Variants in ZFYVE28 observed in about 807,000 individuals in gnomAD.
ZFYVE28 encodes lateral signaling target protein 2 homolog.
A neutral mutation model predicts 82.1 loss-of-function variants in ZFYVE28; 40 were observed. That is an observed-to-expected ratio of 0.49 (90% confidence interval 0.38 to 0.63). The LOEUF (loss-of-function observed/expected upper bound fraction) is 0.63. Ranked by LOEUF, ZFYVE28 falls within the 30% of genes least tolerant of loss-of-function variation. The probability of loss-of-function intolerance (pLI) is 0.00; values close to 1 mark genes in which losing one functional copy is unlikely to be tolerated. For synonymous variants in ZFYVE28, 612 were observed against 546.1 expected, an observed-to-expected ratio of 1.12 and a Z score of -1.68; for missense variants, 1,321 against 1,242.1, an observed-to-expected ratio of 1.06 and a Z score of -0.96.
chr4:2,400,440 A>G (rs1261104139), intron 1 of ZFYVE28, among the ~76,000 whole-genome samples: 1 of 152,092 alleles, frequency 6.6e-6, no homozygotes, highest in African/African-American at 2.4e-5. Flanking sequence ...TCCCACCGCA[A>G]TTCGACAGTA....
intron 7 of ZFYVE28, among the ~76,000 whole-genome samples, chr4:2,309,308 C>G (rs770794481): frequency 6.6e-6 from 1 of 152,306 alleles, no homozygotes; most frequent in South Asian, 2.1e-4. Context: ...GCCACTTGAT[C>G]TTGGACCTCC....
In ZFYVE28 at chr4:2,418,365, T is replaced by G. The variant is rs1267801623; in HGVS notation, c.-42A>C. 4 of 1,390,640 alleles carry G rather than the reference T, an allele frequency of 2.9e-6. No individual in the cohort carries two copies. The South Asian group carries it at 5.8e-5, about 20-fold the overall frequency. 86.1% of individuals were successfully genotyped at this position (1,390,640 alleles called of 1,614,324 possible). ...GCCGGACTCCGGGCGGCCCTCGCCC[T>G]CCGCAGCGCTGCGCCCGGGCCCGGC... On this transcript the variant is annotated 5_prime_UTR_variant, in exon 1 of 13. Coordinates refer to ENST00000290974, the MANE Select transcript of ZFYVE28 (RefSeq NM_020972.3). The surrounding 1 kb of genome is among the most constrained non-coding windows in gnomAD (Gnocchi z 4.6).
At position 2,335,786 on chromosome 4, in the gene ZFYVE28, T is replaced by A; in HGVS notation, c.620A>T (p.Asp207Val). 2 of 1,561,236 alleles carry A rather than the reference T, an allele frequency of 1.3e-6. No homozygotes were observed. Among genetic ancestry groups the A allele is most frequent in the Non-Finnish European group, 1.7e-6 (2 of 1,152,394 alleles). The change falls in exon 6 of 13, where the codon GAC becomes GTC. Residue 207 changes from aspartate (D) to valine (V), a missense_variant. Asp to Val is a radical substitution (Grantham distance 152). Around this residue, in one of 2 missense-constraint regions of ZFYVE28, gnomAD observed 343 missense variants for 408.4 expected, o/e 0.84. Coordinates refer to ENST00000290974, the MANE Select transcript of ZFYVE28 (RefSeq NM_020972.3). The surrounding 1 kb of genome is among the most constrained non-coding windows in gnomAD (Gnocchi z 5.8). ...CATGTCCTGAGTCAGGTACCCGAAG[T>A]CCAGGGCCCTGTCCGGGGAGACGGA... ...LFCETVERAL[D>V]FGYLTQDMID...
rs1733275177 is a variant in ZFYVE28, at chr4:2,417,905, A to G, written c.39+380T>C. Among the ~76,000 whole-genome samples, 1 of 144,894 alleles carries G rather than the reference A, an allele frequency of 6.9e-6. No individual in the cohort carries two copies. The highest frequency in any genetic ancestry group is 2.6e-5 in the African/African-American group (1 of 38,574). ...CAGGGAGGGGAGACGGAGAAGTAGT[A>G]GGGGGTCTGCTCCGGGCCCGCGGGC... On this transcript the variant is annotated intron_variant, in intron 1 of 12. Coordinates refer to ENST00000290974, the MANE Select transcript of ZFYVE28 (RefSeq NM_020972.3). This position sits in a 1 kb window ranked among gnomAD's most constrained non-coding sequence, Gnocchi z 4.8.
At chr4:2,363,990 C>G (rs1163877520) in intron 1 of ZFYVE28, among the ~76,000 whole-genome samples, 8 of 152,190 alleles carry the variant, frequency 5.3e-5, no homozygotes, top group Non-Finnish European at 1.2e-4. Context: ...GACCCGGTTT[C>G]CCTGCTTGCT....
intron 6 of ZFYVE28, among the ~76,000 whole-genome samples, chr4:2,323,031 CAT>C (rs1435316863): frequency 6.6e-6 from 1 of 152,122 alleles, no homozygotes; most frequent in African/African-American, 2.4e-5. Flanking sequence ...TGTTCACGGA[CAT>C]ATGTTTTCAT....
At chr4:2,297,356 A>C (rs887010478) in intron 8 of ZFYVE28, among the ~76,000 whole-genome samples, 2 of 152,126 alleles carry the variant, frequency 1.3e-5, no homozygotes, top group Admixed American at 1.3e-4. Flanking sequence ...CTCCTCCGTG[A>C]CACCTCTGAG....
chr4:2,355,654 T>C (rs1371696173), intron 1 of ZFYVE28, among the ~76,000 whole-genome samples: 1 of 152,068 alleles, frequency 6.6e-6, no homozygotes, highest in Admixed American at 6.5e-5. Context: ...CATGGCTCAC[T>C]GCAACCTCCG....
Position 2,270,679 on chromosome 4 carries a change from T to C in ZFYVE28, c.*46A>G, listed in dbSNP as rs1257024403. The C allele has an allele frequency of 6.2e-7, 1 of 1,610,618 alleles. No individual in the cohort carries two copies. The highest frequency in any genetic ancestry group is 1.7e-5 in the Admixed American group (1 of 59,900). ...TGCCTGCAGCGTGGCCCCACCTTCCTGGGGGTTCCTGGCCCGGGTGGGTTG... is the reference window on the plus strand; with the variant it reads ...TGCCTGCAGCGTGGCCCCACCTTCCCGGGGGTTCCTGGCCCGGGTGGGTTG... On this transcript the variant is annotated 3_prime_UTR_variant, in exon 13 of 13. Transcript: ENST00000290974.
intron 7 of ZFYVE28, among the ~76,000 whole-genome samples, chr4:2,311,206 A>G (rs1717422535): frequency 6.6e-6 from 1 of 152,152 alleles, no homozygotes; most frequent in African/African-American, 2.4e-5. Flanking sequence ...CTTGGAATTT[A>G]TCAATTTTAT....
At chr4:2,399,391 C>T (rs1296278560) in intron 1 of ZFYVE28, among the ~76,000 whole-genome samples, 3 of 152,138 alleles carry the variant, frequency 2.0e-5, no homozygotes, top group Non-Finnish European at 4.4e-5. Flanking sequence ...CTGGGCTGGC[C>T]CGTGACTTGC....
At chr4:2,310,239 A>G (rs1275219318) in intron 7 of ZFYVE28, among the ~76,000 whole-genome samples, 2 of 151,990 alleles carry the variant, frequency 1.3e-5, no homozygotes, top group African/African-American at 2.4e-5. Flanking sequence ...AGGTCTTACT[A>G]TATTGCCCAG....
At chr4:2,350,714 G>T (rs1293543630) in intron 2 of ZFYVE28, among the ~76,000 whole-genome samples, 2 of 152,126 alleles carry the variant, frequency 1.3e-5, no homozygotes, top group Non-Finnish European at 2.9e-5. Flanking sequence ...CTGAAGAATT[G>T]GGAAGTGTTC....
chr4:2,317,913 A>G (rs1216162601), intron 7 of ZFYVE28, among the ~76,000 whole-genome samples: 1 of 152,166 alleles, frequency 6.6e-6, no homozygotes, highest in East Asian at 1.9e-4. Context: ...GATTACAGGC[A>G]TGAGCCACCG....
At chr4:2,319,610 C>T (rs2071686) in intron 7 of ZFYVE28, among the ~76,000 whole-genome samples, 26,544 of 152,150 alleles carry the variant, frequency 0.17, 3,022 homozygotes, top group East Asian at 0.31. Context: ...ACGTGGCCCC[C>T]GTCCCTCCAG....
At chr4:2,271,221 TG>T (rs1385158403) in intron 12 of ZFYVE28, 89 bp downstream of exon 12, 1 of 1,350,964 alleles carries the variant, frequency 7.4e-7, no homozygotes, top group Non-Finnish European at 1.0e-6. Context: ...CTGGCCTCCC[TG>T]GGCATCGGTT....
At chr4:2,354,650 G>C (rs1181621791) in intron 1 of ZFYVE28, among the ~76,000 whole-genome samples, 1 of 151,886 alleles carries the variant, frequency 6.6e-6, no homozygotes, top group Non-Finnish European at 1.5e-5. Flanking sequence ...GTAGAGACGG[G>C]GTTTCGCCAT....
rs757460886 is a variant in ZFYVE28, at chr4:2,270,728, C to T, written c.2661G>A (p.Leu887=). 1.2e-6 allele frequency: 2 copies of T among 1,613,002 alleles called. No individual in the cohort carries two copies. Among genetic ancestry groups the T allele is most frequent in the South Asian group, 2.2e-5 (2 of 91,066 alleles). ...TGGGGCTGCCCCTGGCACCACGTCACAGGCCGGCCTTGTCGCTGTAGAAGG... is the reference window on the plus strand; with the variant it reads ...TGGGGCTGCCCCTGGCACCACGTCATAGGCCGGCCTTGTCGCTGTAGAAGG... ...VTPFYSDKAG[L] The change falls in exon 13 of 13, where the codon CTG becomes CTA. Residue 887 remains leucine (L), a synonymous_variant. Coordinates refer to ENST00000290974, the MANE Select transcript of ZFYVE28 (RefSeq NM_020972.3).
intron 6 of ZFYVE28, among the ~76,000 whole-genome samples, chr4:2,321,417 A>G (rs1371667035): frequency 6.6e-6 from 1 of 152,200 alleles, no homozygotes; most frequent in Non-Finnish European, 1.5e-5. Context: ...AGAAGATTTG[A>G]AAGTCACAGG....
Sources: allele counts gnomAD v4.1 joint callset (sites outside exome capture counted in the v4.1 genomes callset), GRCh38; gene constraint gnomAD v4.1.1; regional missense constraint gnomAD v4.1.1; non-coding constraint Gnocchi (gnomAD v3.1); transcripts MANE v1.5; gene names NCBI Gene and HGNC (gene_info 2026-07-23, HGNC 2026-07-21).